Variants in LHFPL6 observed in about 807,000 individuals in gnomAD.
LHFPL6 encodes LHFPL tetraspan subfamily member 6.
LHFPL6 carries 9 observed loss-of-function variants against 20.6 expected under a neutral mutation model. That is an observed-to-expected ratio of 0.44 (90% CI 0.26 to 0.76). The LOEUF (loss-of-function observed/expected upper bound fraction) is 0.76. LHFPL6 is among the 30% of genes least tolerant of loss of function. The pLI is 0.20. For synonymous variants in LHFPL6, 105 were observed against 98.7 expected, an observed-to-expected ratio of 1.06 and a Z score of -0.38; for missense variants, 218 against 253.5, an observed-to-expected ratio of 0.86 and a Z score of 0.95.
At chr13:39,553,506 G>A (rs1038146283) in intron 2 of LHFPL6, among the ~76,000 whole-genome samples, 1 of 152,096 alleles carries the variant, frequency 6.6e-6, no homozygotes, top group South Asian at 2.1e-4. Context: ...GAGCTCAGGA[G>A]TTCAAGACCA....
intron 2 of LHFPL6, among the ~76,000 whole-genome samples, chr13:39,529,279 A>G (rs1470542275): frequency 6.6e-6 from 1 of 152,058 alleles, no homozygotes; most frequent in Non-Finnish European, 1.5e-5. Context: ...TTTAATAGAG[A>G]CAGGGTTTCT....
chr13:39,450,447 TTCA>T (rs1485847875), intron 2 of LHFPL6, among the ~76,000 whole-genome samples: 1 of 152,202 alleles, frequency 6.6e-6, no homozygotes, highest in African/African-American at 2.4e-5. Context: ...AAAGTACTAA[TTCA>T]TTTTAGAAAG....
At chr13:39,420,684 T>C (rs914560266) in intron 2 of LHFPL6, among the ~76,000 whole-genome samples, 1 of 152,202 alleles carries the variant, frequency 6.6e-6, no homozygotes, top group Non-Finnish European at 1.5e-5. Context: ...GTTTGAAAAG[T>C]GTAAATAATT....
chr13:39,429,578 T>C (rs752432240), intron 2 of LHFPL6, among the ~76,000 whole-genome samples: 9 of 152,252 alleles, frequency 5.9e-5, no homozygotes, highest in Non-Finnish European at 8.8e-5. Flanking sequence ...CCTGTATTTC[T>C]ATTTAATGTG....
chr13:39,591,545 C>T (rs915239357), intron 2 of LHFPL6, among the ~76,000 whole-genome samples: 1 of 152,188 alleles, frequency 6.6e-6, no homozygotes, highest in Non-Finnish European at 1.5e-5. Context: ...AACAATGATT[C>T]ACTCTAAGCT....
chr13:39,522,667 T>G (rs1397508579), intron 2 of LHFPL6, among the ~76,000 whole-genome samples: 2 of 152,250 alleles, frequency 1.3e-5, no homozygotes, highest in Non-Finnish European at 2.9e-5. Flanking sequence ...TTCAAATTTC[T>G]CTTGGTCTGT....
chr13:39,351,822 T>C (rs1869576567), intron 3 of LHFPL6, among the ~76,000 whole-genome samples: 1 of 152,230 alleles, frequency 6.6e-6, no homozygotes, highest in Non-Finnish European at 1.5e-5. Context: ...CACCAAACTG[T>C]ACCCAATCCA....
intron 2 of LHFPL6, among the ~76,000 whole-genome samples, chr13:39,470,544 T>C (rs1872917198): frequency 6.6e-6 from 1 of 152,176 alleles, no homozygotes; most frequent in South Asian, 2.1e-4. Flanking sequence ...AATTATTTTA[T>C]TTTGGGATGT....
At chr13:39,575,044 C>G (rs1478611624) in intron 2 of LHFPL6, among the ~76,000 whole-genome samples, 1 of 151,988 alleles carries the variant, frequency 6.6e-6, no homozygotes, top group African/African-American at 2.4e-5. Context: ...GCACTTTGGC[C>G]TCGCGACAGA....
chr13:39,399,751 A>G (rs1052594497), intron 2 of LHFPL6, among the ~76,000 whole-genome samples: 1 of 152,226 alleles, frequency 6.6e-6, no homozygotes, highest in African/African-American at 2.4e-5. Context: ...AAGGAGATGA[A>G]GGGGATCCAA....
chr13:39,443,237 A>G (rs1185806433), intron 2 of LHFPL6, among the ~76,000 whole-genome samples: 1 of 152,122 alleles, frequency 6.6e-6, no homozygotes, highest in Non-Finnish European at 1.5e-5. Context: ...TGTCTCTCAT[A>G]TGCACTCTTT....
intron 2 of LHFPL6, among the ~76,000 whole-genome samples, chr13:39,405,942 C>T (rs563240432): frequency 3.3e-5 from 5 of 152,218 alleles, no homozygotes; most frequent in East Asian, 3.9e-4. Flanking sequence ...AAGCAAAGGA[C>T]GGAATTTGTC....
At chr13:39,368,557 G>C (rs1334710976) in intron 3 of LHFPL6, among the ~76,000 whole-genome samples, 4 of 152,088 alleles carry the variant, frequency 2.6e-5, no homozygotes, top group Non-Finnish European at 4.4e-5. Context: ...ACTCCAGCCT[G>C]GCAACAGAGT....
intron 2 of LHFPL6, among the ~76,000 whole-genome samples, chr13:39,397,084 A>C (rs1389450417): frequency 6.6e-6 from 1 of 152,194 alleles, no homozygotes; most frequent in Non-Finnish European, 1.5e-5. Context: ...AGGAAACTAA[A>C]ACACCTAGTT....
intron 2 of LHFPL6, among the ~76,000 whole-genome samples, chr13:39,571,825 C>T (rs1415606973): frequency 6.6e-6 from 1 of 152,244 alleles, no homozygotes; most frequent in Non-Finnish European, 1.5e-5. Context: ...ACCACATTCC[C>T]CTCAAGGTGA....
At position 39,406,515 on chromosome 13, in the gene LHFPL6, A is replaced by T. The variant is rs75716879; in HGVS notation, c.386-27989T>A. ...GCCTCAATTGTTTGAGTAAAAACAA[A>T]TACTACCACATACATAAGTAATTCT... On this transcript the variant is annotated intron_variant, in intron 2 of 3. Transcript: ENST00000379589. 5.2e-4 allele frequency among the ~76,000 whole-genome samples: 79 copies of T among 152,268 alleles called. 1 individual carries two copies. In the South Asian group the frequency reaches 0.016, roughly 31 times the overall value.
At chr13:39,548,756 T>C (rs1323843871) in intron 2 of LHFPL6, among the ~76,000 whole-genome samples, 4 of 151,956 alleles carry the variant, frequency 2.6e-5, no homozygotes, top group Admixed American at 2.0e-4. Context: ...GATTCCAGGG[T>C]AAGGCAGGGA....
At chr13:39,376,122 A>T (rs1870288987) in intron 3 of LHFPL6, among the ~76,000 whole-genome samples, 1 of 152,216 alleles carries the variant, frequency 6.6e-6, no homozygotes, top group Non-Finnish European at 1.5e-5. Flanking sequence ...AAATTGCAAT[A>T]ACAGGACCTG....
In LHFPL6 at chr13:39,343,871, A is replaced by G; in HGVS notation, c.*65T>C. On this transcript the variant is annotated 3_prime_UTR_variant, in exon 4 of 4. Coordinates refer to ENST00000379589, the MANE Select transcript of LHFPL6 (RefSeq NM_005780.3). ...TATCCCACCTTTTGAAGGTAGGTGGATGTTTTGACCTCTCCAAGCCCCTTT... is the reference window on the plus strand; with the variant it reads ...TATCCCACCTTTTGAAGGTAGGTGGGTGTTTTGACCTCTCCAAGCCCCTTT... 3 of 1,155,652 alleles carry G rather than the reference A, an allele frequency of 2.6e-6. No individual in the cohort carries two copies. Among genetic ancestry groups the G allele is most frequent in the East Asian group, 2.4e-5 (1 of 41,562 alleles). The allele number at this position is 1,155,652 out of a possible 1,614,324, so 71.6% of individuals were successfully genotyped here. A position where few individuals can be genotyped will look rare whatever the true frequency, so the allele number is the denominator to read the frequency against.
Sources: gnomAD v4.1 joint callset for allele counts (sites outside exome capture counted in the v4.1 genomes callset) on GRCh38, gnomAD v4.1.1 for gene constraint, MANE v1.5 for transcripts, NCBI Gene and HGNC (gene_info 2026-07-23, HGNC 2026-07-21) for gene names.